Variants in HAPLN1 observed in about 807,000 individuals in gnomAD.
The protein encoded by HAPLN1 is Cartilage link protein.
A neutral mutation model predicts 36.5 loss-of-function variants in HAPLN1; 13 were observed. The observed-to-expected ratio is 0.36, with a 90% CI of 0.23 to 0.57. The LOEUF (loss-of-function observed/expected upper bound fraction) is 0.57. Among genes scored for constraint, HAPLN1 ranks in the 20% least tolerant of loss-of-function variants. HAPLN1 has a pLI of 0.83. For missense variants in HAPLN1, 407 were observed against 439.7 expected (o/e 0.93, Z 0.66); for synonymous variants, 202 against 169.8 (o/e 1.19, Z -1.48).
At chr5:83,698,924 C>T (rs1339125264) in intron 1 of HAPLN1, among the ~76,000 whole-genome samples, 4 of 152,130 alleles carry the variant, frequency 2.6e-5, no homozygotes, top group African/African-American at 7.2e-5. Flanking sequence ...ATACATGATA[C>T]TCAATTCTAT....
rs150181270 is a variant in HAPLN1, at chr5:83,644,388, A to C, written c.750T>G (p.Val250=). Residue 250 remains valine (V), a synonymous_variant, in exon 4 of 5, where the codon GTT becomes GTG. Transcript: ENST00000274341. ...FWDKDKSRYD[V]FCFTSNFNGR... The stretch of plus-strand genomic sequence containing the variant: ...CATTGAAATTGGATGTAAAACAGAA[A>C]ACATCATATCTGCTTTTATCTTTAT... 304 of 1,573,852 alleles carry C rather than the reference A, an allele frequency of 1.9e-4. No individual in the cohort carries two copies. Among genetic ancestry groups the C allele is most frequent in the Non-Finnish European group, 2.5e-4 (290 of 1,161,566 alleles).
Position 83,665,306 on chromosome 5 carries a change from G to A in HAPLN1, c.100+8118C>T, listed in dbSNP as rs183655678. The stretch of plus-strand genomic sequence containing the variant: ...AGTCATCTAGAAAGAAAATATATTC[G>A]TGTCATATATCTTGTAATGTATAAG... On this transcript the variant is annotated intron_variant, in intron 2 of 4. Transcript: ENST00000274341. Among the ~76,000 whole-genome samples the A allele has an allele frequency of 3.5e-4, 54 of 152,116 alleles. 1 individual carries two copies. The highest frequency in any genetic ancestry group is 5.4e-4 in the Non-Finnish European group (37 of 67,972).
At chr5:83,685,338 G>A (rs1751094707) in intron 1 of HAPLN1, among the ~76,000 whole-genome samples, 1 of 152,098 alleles carries the variant, frequency 6.6e-6, no homozygotes, top group Non-Finnish European at 1.5e-5. Flanking sequence ...CACACTGCAG[G>A]ATAAATGGAA....
rs144483408 is a variant in HAPLN1, at chr5:83,652,769, G to T, written c.156C>A (p.His52Gln). The T allele has an allele frequency of 1.6e-4, 252 of 1,613,426 alleles. No homozygotes were observed. The African/African-American group carries it at 3.1e-3, about 20-fold the overall frequency. ...ATGGCAGTGTAACATTGCCACCTCT[G>T]TGTGAAAACACCTTGGCTTGCTCTG... ...VEAEQAKVFS[H>Q]RGGNVTLPCK... Residue 52 changes from histidine (H) to glutamine (Q), a missense_variant, in exon 3 of 5, where the codon CAC becomes CAA. Coordinates refer to ENST00000274341, the MANE Select transcript of HAPLN1 (RefSeq NM_001884.4).
chr5:83,645,291 G>T (rs1580117720), intron 3 of HAPLN1, among the ~76,000 whole-genome samples: 1 of 151,938 alleles, frequency 6.6e-6, no homozygotes, highest in African/African-American at 2.4e-5. Context: ...CTAATAACTT[G>T]CAGATAAGTA....
intron 2 of HAPLN1, among the ~76,000 whole-genome samples, chr5:83,655,517 GGTGTGT>G (rs60890807): frequency 1.4e-5 from 2 of 147,872 alleles, no homozygotes; most frequent in African/African-American, 2.5e-5. Flanking sequence ...TTCACTTTGG[GGTGTGT>G]GTGTGTGTGT....
At position 83,650,876 on chromosome 5, in the gene HAPLN1, C is replaced by T. The variant is rs187243515; in HGVS notation, c.472+1577G>A. 1.5e-3 allele frequency among the ~76,000 whole-genome samples: 228 copies of T among 151,874 alleles called. 2 individuals are homozygous for T. The highest frequency in any genetic ancestry group is 4.7e-3 in the African/African-American group (194 of 41,434). On this transcript the variant is annotated intron_variant, in intron 3 of 4. Transcript: ENST00000274341. ...GTATCAATCTTCTGACCTTGTGATC[C>T]GCCAAAAATTATTTTCTTAGTCCCC...
At position 83,638,933 on chromosome 5, in the gene HAPLN1, G is replaced by A. The variant is rs1440494054; in HGVS notation, c.*2563C>T. 1 of 151,996 alleles carries A rather than the reference G, an allele frequency of 6.6e-6. No homozygotes were observed. Among genetic ancestry groups the A allele is most frequent in the Admixed American group, 6.6e-5 (1 of 15,252 alleles). 9.4% of individuals were successfully genotyped at this position (151,996 alleles called of 1,614,324 possible). ...CTTTGTTCCTTATATGGTCACCAGTGTTAATTATGGACAAATACATTAAAA... is the reference window on the plus strand; with the variant it reads ...CTTTGTTCCTTATATGGTCACCAGTATTAATTATGGACAAATACATTAAAA... On this transcript the variant is annotated 3_prime_UTR_variant, in exon 5 of 5. Transcript: ENST00000274341.
In HAPLN1 at chr5:83,705,229, AAAAT is replaced by A. The variant is rs1322859133; in HGVS notation, c.-27+15556_-27+15559del. 5.3e-5 allele frequency among the ~76,000 whole-genome samples: 8 copies of A among 152,150 alleles called. No individual in the cohort carries two copies. In the East Asian group the frequency reaches 1.4e-3, roughly 26 times the overall value. On this transcript the variant is annotated intron_variant, in intron 1 of 4. Transcript: ENST00000274341. ...GCATGGCAAAACCCTGTCTCTGTTAAAAATACAAAAATTAGCTGGGCATGGTGGC... is the reference window on the plus strand; with the variant it reads ...GCATGGCAAAACCCTGTCTCTGTTAAACAAAAATTAGCTGGGCATGGTGGC...
intron 2 of HAPLN1, among the ~76,000 whole-genome samples, chr5:83,657,954 A>G (rs1331647504): frequency 6.6e-6 from 1 of 152,182 alleles, no homozygotes; most frequent in Non-Finnish European, 1.5e-5. Flanking sequence ...TATTTTAACC[A>G]TGTTTAATTC....
chr5:83,717,546 T>C (rs1044705254), intron 1 of HAPLN1, among the ~76,000 whole-genome samples: 2 of 152,244 alleles, frequency 1.3e-5, no homozygotes, highest in Non-Finnish European at 2.9e-5. Context: ...TAATGCTGAT[T>C]GTCCTGATCA....
intron 1 of HAPLN1, among the ~76,000 whole-genome samples, chr5:83,678,319 A>G (rs1750912091): frequency 6.6e-6 from 1 of 152,002 alleles, no homozygotes; most frequent in African/African-American, 2.4e-5. Flanking sequence ...TTTTCTAAAA[A>G]TAATAGGCAG....
chr5:83,651,590 C>T (rs78847775), intron 3 of HAPLN1, among the ~76,000 whole-genome samples: 1 of 20,362 alleles, frequency 4.9e-5, no homozygotes, highest in African/African-American at 7.7e-4. Context: ...CAAATAGTGA[C>T]ACAAATCTGT....
intron 1 of HAPLN1, among the ~76,000 whole-genome samples, chr5:83,690,129 C>A (rs2112619030): frequency 6.6e-6 from 1 of 152,134 alleles, no homozygotes; most frequent in African/African-American, 2.4e-5. Flanking sequence ...ACATTCCTGG[C>A]ATCAGTACTC....
At chr5:83,680,785 G>A (rs1412130409) in intron 1 of HAPLN1, among the ~76,000 whole-genome samples, 1 of 152,084 alleles carries the variant, frequency 6.6e-6, no homozygotes, top group Non-Finnish European at 1.5e-5. Flanking sequence ...TAAAAATGCA[G>A]CCTTCATAGG....
At chr5:83,669,573 C>T (rs1750646269) in intron 2 of HAPLN1, among the ~76,000 whole-genome samples, 2 of 151,944 alleles carry the variant, frequency 1.3e-5, no homozygotes, top group African/African-American at 4.8e-5. Context: ...TTAAAGAAGG[C>T]AAAGAAAAGA....
chr5:83,663,412 C>T (rs1050089883), intron 2 of HAPLN1, among the ~76,000 whole-genome samples: 4 of 152,156 alleles, frequency 2.6e-5, no homozygotes, highest in African/African-American at 4.8e-5. Flanking sequence ...TCCCACCTGT[C>T]GGTATTGAGG....
At chr5:83,713,789 C>T (rs1024110403) in intron 1 of HAPLN1, among the ~76,000 whole-genome samples, 1 of 152,198 alleles carries the variant, frequency 6.6e-6, no homozygotes, top group Non-Finnish European at 1.5e-5. Flanking sequence ...TCAGACTTCT[C>T]GTCCACATCC....
At chr5:83,700,638 C>A (rs1751486731) in intron 1 of HAPLN1, among the ~76,000 whole-genome samples, 1 of 147,884 alleles carries the variant, frequency 6.8e-6, no homozygotes, top group African/African-American at 2.6e-5. Context: ...TCAAACTCTC[C>A]TTTCAAACTT....
Sources: gnomAD v4.1 joint callset for allele counts (sites outside exome capture counted in the v4.1 genomes callset) on GRCh38, gnomAD v4.1.1 for gene constraint, MANE v1.5 for transcripts, NCBI Gene and HGNC (gene_info 2026-07-23, HGNC 2026-07-21) for gene names.